Variants in GANC observed in about 807,000 individuals in gnomAD.
The protein encoded by GANC is glucosidase alpha, neutral C, also known as neutral alpha-glucosidase C.
A neutral mutation model predicts 124.2 loss-of-function variants in GANC; 117 were observed. The observed-to-expected ratio is 0.94, with a 90% CI of 0.81 to 1.10. The LOEUF (loss-of-function observed/expected upper bound fraction) is 1.10, where lower values mean the gene tolerates loss of function less well. GANC is among the 50% of genes least tolerant of loss of function. The pLI, the probability that GANC is intolerant of heterozygous loss-of-function variation, is 0.00. For synonymous variants in GANC, 377 were observed against 376.8 expected (o/e 1.00, Z -0.01); for missense variants, 1,140 against 1,095.0 (o/e 1.04, Z -0.58).
rs60116980 is a variant in GANC, at chr15:42,339,305, A to AACACACACACACAC, written c.1844-324_1844-311dup. On this transcript the variant is annotated intron_variant, in intron 16 of 23. Transcript: ENST00000318010. ...AATCAGTTGCCAACCACCCCCCTCC[A>AACACACACACACAC]ACACACACACACACACACACACACA... Among the ~76,000 whole-genome samples, 130 of 119,250 alleles carry AACACACACACACAC rather than the reference A, an allele frequency of 1.1e-3. 2 individuals carry two copies. In the Middle Eastern group the frequency reaches 0.013, roughly 12 times the overall value. 78.2% of individuals were successfully genotyped at this position (119,250 alleles called of 152,430 possible). A position where few individuals can be genotyped will look rare whatever the true frequency, so the allele number is the denominator to read the frequency against.
chr15:42,320,366 T>C (rs1481187614), intron 10 of GANC, among the ~76,000 whole-genome samples: 1 of 152,162 alleles, frequency 6.6e-6, no homozygotes, highest in Non-Finnish European at 1.5e-5. Context: ...GATATTTACT[T>C]TGGTTCCTTG....
At chr15:42,327,894 A>G (rs1440875372) in intron 13 of GANC, among the ~76,000 whole-genome samples, 2 of 152,232 alleles carry the variant, frequency 1.3e-5, no homozygotes, top group African/African-American at 4.8e-5. Context: ...ACTGTTTTCA[A>G]CCAATTATGA....
intron 19 of GANC, among the ~76,000 whole-genome samples, chr15:42,343,662 A>G (rs1453787496): frequency 6.6e-6 from 1 of 152,190 alleles, no homozygotes; most frequent in Admixed American, 6.5e-5. Flanking sequence ...TTACTGTCCC[A>G]GGTATAAAAT....
chr15:42,278,480 A>G lies in GANC; in HGVS notation c.93-2A>G. ...AAGCATCTGCATACTCCGTATCTAT[A>G]GGCGTCAGAAACAGTGGCTTTCCAA... On this transcript the variant is annotated splice_acceptor_variant, in intron 2 of 23. Coordinates refer to ENST00000318010, the MANE Select transcript of GANC (RefSeq NM_198141.3). LOFTEE classifies it high-confidence loss of function. The G allele has an allele frequency of 6.3e-7, 1 of 1,593,964 alleles. No homozygotes were observed. Among genetic ancestry groups the G allele is most frequent in the Non-Finnish European group, 8.6e-7 (1 of 1,163,686 alleles).
chr15:42,327,859 A>G (rs1460343360), intron 13 of GANC, among the ~76,000 whole-genome samples: 1 of 152,226 alleles, frequency 6.6e-6, no homozygotes, highest in East Asian at 1.9e-4. Context: ...ACCACAGAGG[A>G]AACTGGAGAG....
chr15:42,283,107 C>T (rs2051750094), intron 3 of GANC, among the ~76,000 whole-genome samples: 1 of 152,164 alleles, frequency 6.6e-6, no homozygotes, highest in African/African-American at 2.4e-5. Context: ...CCATTCAGTC[C>T]ATAGCAAACA....
At position 42,329,202 on chromosome 15, in the gene GANC, A is replaced by G. The variant is rs1398062668; in HGVS notation, c.1501-104A>G. The G allele has an allele frequency of 8.6e-6, 10 of 1,158,594 alleles. 1 individual carries two copies. The highest frequency in any genetic ancestry group is 7.7e-5 in the African/African-American group (5 of 64,786). The allele number at this position is 1,158,594 out of a possible 1,614,324, so 71.8% of individuals were successfully genotyped here. A position where few individuals can be genotyped will look rare whatever the true frequency, so the allele number is the denominator to read the frequency against. ...ACTCTAGCAGTGGAGCAGAGGACAG[A>G]GCATAGATAATAAACATAATTTTTA... is the stretch of plus-strand genomic sequence containing the variant. On this transcript the variant is annotated intron_variant, in intron 13 of 23. Transcript: ENST00000318010.
At chr15:42,308,130 A>T in intron 7 of GANC, 92 bp from the exon 8 acceptor site, 1 of 713,572 alleles carries the variant, frequency 1.4e-6, no homozygotes, top group Non-Finnish European at 2.4e-6. Context: ...CTCAGCCTTT[A>T]GTCTAGTCAT....
chr15:42,343,759 G>A lies in GANC; in HGVS notation c.2229+605G>A, dbSNP rs139659641. ...GGAATACCAGCGGTCTGCAGGCAGA[G>A]AGCCATGGGTAATAAGAGCAGCCTT... is the stretch of plus-strand genomic sequence containing the variant. On this transcript the variant is annotated intron_variant, in intron 19 of 23. Coordinates refer to ENST00000318010, the MANE Select transcript of GANC (RefSeq NM_198141.3). Among the ~76,000 whole-genome samples the A allele has an allele frequency of 4.6e-5, 7 of 152,296 alleles. No individual in the cohort carries two copies. In the East Asian group the frequency reaches 1.2e-3, roughly 25 times the overall value.
Position 42,274,411 on chromosome 15 carries a change from C to G in GANC, c.-71C>G. 1 of 1,520,416 alleles carries G rather than the reference C, an allele frequency of 6.6e-7. No homozygotes were observed. Among genetic ancestry groups the G allele is most frequent in the South Asian group, 1.2e-5 (1 of 83,812 alleles). The allele number at this position is 1,520,416 out of a possible 1,614,324, so 94.2% of individuals were successfully genotyped here. A position where few individuals can be genotyped will look rare whatever the true frequency, so the allele number is the denominator to read the frequency against. The stretch of plus-strand genomic sequence containing the variant: ...TTGTAATTTTAGAAAGACACCCAAT[C>G]GGCTTTTTTAAAAGATCGCCCAGGG... On this transcript the variant is annotated 5_prime_UTR_variant, in exon 1 of 24. It adds an upstream start codon to the 5' untranslated region. Transcript: ENST00000318010.
intron 5 of GANC, among the ~76,000 whole-genome samples, chr15:42,294,439 G>T (rs1028496924): frequency 6.6e-6 from 1 of 150,668 alleles, no homozygotes; most frequent in Non-Finnish European, 1.5e-5. Flanking sequence ...GCCAGGTATA[G>T]TGGCACATGC....
Position 42,282,396 on chromosome 15 carries a change from A to T in GANC, c.201+3806A>T, listed in dbSNP as rs1278031554. ...GGGATAAGATGGGTGTTTCAAGGAG[A>T]TTGCACATTAAGATATGGTATGAGT... On this transcript the variant is annotated intron_variant, in intron 3 of 23. Transcript: ENST00000318010. Among the ~76,000 whole-genome samples the T allele has an allele frequency of 3.9e-5, 6 of 152,304 alleles. No homozygotes were observed. In the East Asian group the frequency reaches 1.2e-3, roughly 29 times the overall value.
intron 11 of GANC, among the ~76,000 whole-genome samples, chr15:42,325,140 G>A (rs1343060031): frequency 2.6e-5 from 4 of 152,076 alleles, no homozygotes; most frequent in South Asian, 2.1e-4. Flanking sequence ...CAGCATGGTG[G>A]CGGGCACCTG....
intron 3 of GANC, chr15:42,281,094 G>C: frequency 1.4e-6 from 1 of 702,598 alleles, no homozygotes; most frequent in South Asian, 1.5e-5. Context: ...TCCCAAGACT[G>C]AGAACTTTGA....
chr15:42,339,908 AT>A lies in GANC; in HGVS notation c.2084del (p.Met695ArgfsTer6). Reference sequence around the variant, plus strand: ...TGCACACGTGGCTTCCCAACCTGTCATGAGGTAAAAAAGCTTCATCCATTCA... The same window carrying A: ...TGCACACGTGGCTTCCCAACCTGTCAGAGGTAAAAAAGCTTCATCCATTCA... ...YHAHVASQPV[M>X]RPLWVEFPDE... is the part of the protein sequence containing the mutation. On this transcript the variant is annotated frameshift_variant, in exon 17 of 24. Transcript: ENST00000318010. LOFTEE classifies it high-confidence loss of function. The A allele has an allele frequency of 6.2e-7, 1 of 1,612,386 alleles. No individual in the cohort carries two copies. Among genetic ancestry groups the A allele is most frequent in the South Asian group, 1.1e-5 (1 of 91,006 alleles).
At chr15:42,301,402 G>A (rs1271082310) in intron 6 of GANC, among the ~76,000 whole-genome samples, 1 of 152,022 alleles carries the variant, frequency 6.6e-6, no homozygotes, top group Admixed American at 6.5e-5. Context: ...TACACCACCA[G>A]GGCTGCACAA....
chr15:42,322,255 T>C (rs1351917074), intron 11 of GANC, among the ~76,000 whole-genome samples: 2 of 152,190 alleles, frequency 1.3e-5, no homozygotes, highest in Non-Finnish European at 2.9e-5. Flanking sequence ...GGGTCTAGCA[T>C]TTTCAGTTCC....
At chr15:42,300,574 T>G (rs1231959478) in intron 6 of GANC, among the ~76,000 whole-genome samples, 2 of 152,116 alleles carry the variant, frequency 1.3e-5, no homozygotes, top group East Asian at 3.8e-4. Flanking sequence ...GAAATACCAT[T>G]TGGCCCAGCA....
rs1452792665 is a variant in GANC, at chr15:42,339,359, G to C, written c.1844-310G>C. ...ACACACACACACACACACACACACA[G>C]TTATTTAATCAGGCAGACATTTTTC... On this transcript the variant is annotated intron_variant, in intron 16 of 23. Coordinates refer to ENST00000318010, the MANE Select transcript of GANC (RefSeq NM_198141.3). Among the ~76,000 whole-genome samples, 56 of 119,680 alleles carry C rather than the reference G, an allele frequency of 4.7e-4. 1 individual carries two copies. The highest frequency in any genetic ancestry group is 1.7e-3 in the African/African-American group (51 of 29,914). 78.5% of individuals were successfully genotyped at this position (119,680 alleles called of 152,430 possible). A position where few individuals can be genotyped will look rare whatever the true frequency, so the allele number is the denominator to read the frequency against.
Sources: allele counts gnomAD v4.1 joint callset (sites outside exome capture counted in the v4.1 genomes callset), GRCh38; gene constraint gnomAD v4.1.1; transcripts MANE v1.5; gene names NCBI Gene and HGNC (gene_info 2026-07-23, HGNC 2026-07-21).